Variants in ARHGEF33 observed in about 807,000 individuals in gnomAD.
ARHGEF33 encodes DH and coiled-coil domain-containing protein ENSP00000381780.
Under a neutral mutation model 101.9 loss-of-function variants are expected in ARHGEF33, and 72 were observed. The observed-to-expected ratio is 0.71, with a 90% CI of 0.58 to 0.86. The LOEUF is 0.86. Among genes scored for constraint, ARHGEF33 ranks in the 40% least tolerant of loss-of-function variants. The pLI is 0.00. For synonymous variants in ARHGEF33, 499 were observed against 442.5 expected, an observed-to-expected ratio of 1.13 and a Z score of -1.60; for missense variants, 1,169 against 1,111.3, an observed-to-expected ratio of 1.05 and a Z score of -0.74.
At chr2:38,925,471 A>T (rs1403087553) in intron 4 of ARHGEF33, among the ~76,000 whole-genome samples, 1 of 152,176 alleles carries the variant, frequency 6.6e-6, no homozygotes, top group Non-Finnish European at 1.5e-5. Context: ...GTATCCAGGG[A>T]TCGATAAGCA....
At chr2:38,950,740 C>G (rs1667578916) in intron 10 of ARHGEF33, among the ~76,000 whole-genome samples, 3 of 152,068 alleles carry the variant, frequency 2.0e-5, no homozygotes, top group Admixed American at 2.0e-4. Flanking sequence ...TGCCAGGCCT[C>G]TTTATTAGTT....
chr2:38,960,847 C>T (rs1171748932), intron 16 of ARHGEF33, among the ~76,000 whole-genome samples, 199 bp downstream of exon 16: 2 of 152,144 alleles, frequency 1.3e-5, no homozygotes, highest in Non-Finnish European at 1.5e-5. Context: ...CTGCTGGGCC[C>T]TGGAAGGCGA....
At chr2:38,954,307 G>T (rs559684263) in intron 12 of ARHGEF33, 66 bp from the exon 13 acceptor site, 1 of 936,530 alleles carries the variant, frequency 1.1e-6, no homozygotes, top group African/African-American at 1.6e-5. Context: ...TGGTGGGACT[G>T]ATTCGAGGTT....
chr2:38,900,026 C>A (rs1408554143), intron 2 of ARHGEF33, among the ~76,000 whole-genome samples: 2 of 149,940 alleles, frequency 1.3e-5, no homozygotes, highest in African/African-American at 4.9e-5. Flanking sequence ...CTCACTTCTA[C>A]AAAAAAAAAA....
chr2:38,945,958 T>G (rs900680081), intron 10 of ARHGEF33, among the ~76,000 whole-genome samples: 1 of 152,220 alleles, frequency 6.6e-6, no homozygotes, highest in Admixed American at 6.5e-5. Flanking sequence ...TGTGTGCTCT[T>G]ATACATCATA....
chr2:38,918,602 C>A (rs933375268), intron 2 of ARHGEF33, among the ~76,000 whole-genome samples: 1 of 152,210 alleles, frequency 6.6e-6, no homozygotes, highest in African/African-American at 2.4e-5. Flanking sequence ...GTGTCAGACA[C>A]AGCACATTTG....
chr2:38,968,587 G>C (rs148058970), intron 17 of ARHGEF33, among the ~76,000 whole-genome samples: 1 of 152,202 alleles, frequency 6.6e-6, no homozygotes, highest in East Asian at 1.9e-4. Flanking sequence ...TCTTGTGGCT[G>C]TTCGGGATTC....
At chr2:38,957,887 C>A in intron 14 of ARHGEF33, 147 bp from the exon 15 acceptor site, 2 of 963,474 alleles carry the variant, frequency 2.1e-6, no homozygotes, top group Non-Finnish European at 3.1e-6. Flanking sequence ...TTAAGCAAAG[C>A]AACTTAGTTT....
chr2:38,947,373 G>C (rs1285182585), intron 10 of ARHGEF33, among the ~76,000 whole-genome samples: 2 of 152,292 alleles, frequency 1.3e-5, no homozygotes, highest in South Asian at 2.1e-4. Context: ...CAGAACTTGA[G>C]GGCTATGATT....
intron 1 of ARHGEF33, 128 bp downstream of exon 1, chr2:38,890,114 G>C (rs1267151808): frequency 4.9e-6 from 1 of 203,680 alleles, no homozygotes; most frequent in Non-Finnish European, 1.1e-5. Context: ...ACATTTATTT[G>C]AGGTAGGCAT....
rs114668423 is a variant in ARHGEF33, at chr2:38,929,920, A to G, written c.362+90A>G. 778 of 1,187,482 alleles carry G rather than the reference A, an allele frequency of 6.6e-4. 6 individuals are homozygous for G. In the African/African-American group the frequency reaches 0.011, roughly 16 times the overall value. The allele number at this position is 1,187,482 out of a possible 1,614,324, so 73.6% of individuals were successfully genotyped here. ...GGTACACATTCCCCACTATCAGTGT[A>G]TAGCTAGCTGGCCACTGTGCTCCAC... On this transcript the variant is annotated intron_variant, in intron 6 of 17. Transcript: ENST00000409978.
chr2:38,895,032 C>G (rs1297850074), intron 1 of ARHGEF33, among the ~76,000 whole-genome samples: 1 of 152,160 alleles, frequency 6.6e-6, no homozygotes, highest in East Asian at 1.9e-4. Flanking sequence ...ATAAAGGCCT[C>G]TTGATAAAGT....
intron 1 of ARHGEF33, among the ~76,000 whole-genome samples, chr2:38,890,439 C>G (rs1170424401): frequency 6.6e-6 from 1 of 152,122 alleles, no homozygotes; most frequent in African/African-American, 2.4e-5. Context: ...ATAGGGGAAT[C>G]TTCAGCATTC....
At chr2:38,913,044 T>G (rs923141812) in intron 2 of ARHGEF33, among the ~76,000 whole-genome samples, 2 of 151,796 alleles carry the variant, frequency 1.3e-5, no homozygotes, top group South Asian at 2.1e-4. Context: ...AATTGTTTTT[T>G]TTTTTTTTTT....
rs140558710 is a variant in ARHGEF33 at position 38,908,208 on chromosome 2, G to T, written c.-85-11155G>T. Reference sequence around the variant, plus strand: ...TTCCACTCAGATGAATCCAGGGAGAGAATCTGTTTGAAAGATTGAGATTAA... The same window carrying T: ...TTCCACTCAGATGAATCCAGGGAGATAATCTGTTTGAAAGATTGAGATTAA... On this transcript the variant is annotated intron_variant, in intron 2 of 17. Transcript: ENST00000409978. Among the ~76,000 whole-genome samples, 147 of 152,178 alleles carry T rather than the reference G, an allele frequency of 9.7e-4. 3 individuals are homozygous for T. The East Asian group carries it at 0.021, about 22-fold the overall frequency.
intron 2 of ARHGEF33, among the ~76,000 whole-genome samples, chr2:38,899,149 G>T (rs1056819124): frequency 1.3e-5 from 2 of 152,078 alleles, no homozygotes; most frequent in East Asian, 3.9e-4. Flanking sequence ...ACTCAAACTT[G>T]TGTTGAGTGC....
rs776484987 is a variant in ARHGEF33, at chr2:38,928,909, G to A, written c.78G>A (p.Leu26=). 6.5e-7 allele frequency: 1 copy of A among 1,545,850 alleles called. No homozygotes were observed. Among genetic ancestry groups the A allele is most frequent in the South Asian group, 1.2e-5 (1 of 82,620 alleles). ...TTAACTTTTCATGCATTATTTAGTT[G>A]CAGGCCCTAGCCTCCGAACTCAAAA... ...VNNPSTQIYQ[L]QALASELKTG... Residue 26 remains leucine (L), a splice_region_variant and synonymous_variant, in exon 5 of 18, where the codon TTG becomes TTA. Coordinates refer to ENST00000409978, the MANE Select transcript of ARHGEF33 (RefSeq NM_001145451.5).
chr2:38,952,221 G>A (rs1174013684), intron 11 of ARHGEF33, among the ~76,000 whole-genome samples: 1 of 152,172 alleles, frequency 6.6e-6, no homozygotes, highest in Non-Finnish European at 1.5e-5. Flanking sequence ...CTCAACTGTG[G>A]ATAACAATAC....
intron 16 of ARHGEF33, among the ~76,000 whole-genome samples, chr2:38,965,302 A>G (rs1303209577): frequency 3.9e-5 from 6 of 152,244 alleles, no homozygotes; most frequent in Non-Finnish European, 5.9e-5. Context: ...GCATATAAAT[A>G]TACATGCACT....
Sources: gnomAD v4.1 joint callset for allele counts (sites outside exome capture counted in the v4.1 genomes callset) on GRCh38, gnomAD v4.1.1 for gene constraint, MANE v1.5 for transcripts, NCBI Gene and HGNC (gene_info 2026-07-23, HGNC 2026-07-21) for gene names.